The following KAZN variants were observed in gnomAD, a reference collection of about 807,000 sequenced individuals.
KAZN encodes kazrin.
In KAZN, 40 loss-of-function variants were observed where a neutral mutation model predicts 87.4. That is an observed-to-expected ratio of 0.46 (90% CI 0.36 to 0.60). KAZN has a LOEUF of 0.60. Ranked by LOEUF, KAZN falls within the 20% of genes least tolerant of loss-of-function variation. KAZN has a pLI of 0.00. For synonymous variants in KAZN, 466 were observed against 458.3 expected (o/e 1.02, Z -0.22); for missense variants, 898 against 1,073.9 (o/e 0.84, Z 2.29).
chr1:14,973,865 G>A (rs931440302), intron 2 of KAZN, among the ~76,000 whole-genome samples: 1 of 152,140 alleles, frequency 6.6e-6, no homozygotes, highest in Non-Finnish European at 1.5e-5. Context: ...CTACTGCTGT[G>A]TAACACACTG....
At chr1:14,298,811 T>C (rs907978790) in intron 2 of KAZN, among the ~76,000 whole-genome samples, 1 of 152,222 alleles carries the variant, frequency 6.6e-6, no homozygotes, top group Non-Finnish European at 1.5e-5. Context: ...GGGTTACTAA[T>C]AGAGTATACA....
intron 1 of KAZN, among the ~76,000 whole-genome samples, chr1:14,057,215 A>G (rs1285379360): frequency 6.6e-6 from 1 of 151,516 alleles, no homozygotes; most frequent in Admixed American, 6.6e-5. Context: ...GCTCACTGCA[A>G]TCTCTGGCTC....
At chr1:14,983,487 G>T (rs1666467146) in intron 2 of KAZN, among the ~76,000 whole-genome samples, 1 of 151,992 alleles carries the variant, frequency 6.6e-6, no homozygotes, top group Admixed American at 6.6e-5. Flanking sequence ...CTCACCTGTG[G>T]TCGGTGGAAA....
chr1:14,461,024 C>T (rs1667823637), intron 2 of KAZN, among the ~76,000 whole-genome samples: 1 of 152,180 alleles, frequency 6.6e-6, no homozygotes, highest in African/African-American at 2.4e-5. Context: ...CATAACCAGG[C>T]TGGCTAGTTG....
intron 1 of KAZN, among the ~76,000 whole-genome samples, chr1:13,931,964 C>T (rs1360678133): frequency 1.3e-5 from 2 of 151,712 alleles, no homozygotes; most frequent in Non-Finnish European, 2.9e-5. Flanking sequence ...CAACCTCCCT[C>T]CCAAGTAGCT....
At chr1:14,319,215 C>T (rs988507736) in intron 2 of KAZN, among the ~76,000 whole-genome samples, 1 of 151,812 alleles carries the variant, frequency 6.6e-6, no homozygotes, top group African/African-American at 2.4e-5. Flanking sequence ...CAGTTAATTA[C>T]TTGTAAGCCA....
chr1:14,581,378 A>G (rs758860576), intron 2 of KAZN, among the ~76,000 whole-genome samples: 1 of 152,018 alleles, frequency 6.6e-6, no homozygotes, highest in Non-Finnish European at 1.5e-5. Context: ...TCCACCTTCA[A>G]TACTGATCTA....
chr1:14,597,080 C>T (rs538828871), upstream of KAZN, among the ~76,000 whole-genome samples: 105 of 152,184 alleles, frequency 6.9e-4, no homozygotes, highest in Non-Finnish European at 1.3e-3. Flanking sequence ...TTTTGATGCT[C>T]TCCCCATAAC....
intron 2 of KAZN, chr1:14,221,975 T>C (rs1198897972): frequency 6.6e-6 from 1 of 152,116 alleles, no homozygotes; most frequent in African/African-American, 2.4e-5. Context: ...TTGTGATTCG[T>C]GATGTTTGGG....
chr1:14,035,647 T>A (rs1354012661), intron 1 of KAZN, among the ~76,000 whole-genome samples: 1 of 150,876 alleles, frequency 6.6e-6, no homozygotes, highest in Non-Finnish European at 1.5e-5. Flanking sequence ...TTTTTGTATT[T>A]TTTTTTTTTG....
intron 2 of KAZN, among the ~76,000 whole-genome samples, chr1:14,308,097 A>C (rs1295881242): frequency 6.6e-6 from 1 of 152,212 alleles, no homozygotes; most frequent in African/African-American, 2.4e-5. Flanking sequence ...AACACAAAGA[A>C]AGACAAAGGA....
At chr1:14,596,970 A>G (rs1368889899), upstream of KAZN, among the ~76,000 whole-genome samples, 2 of 152,198 alleles carry the variant, frequency 1.3e-5, no homozygotes, top group African/African-American at 2.4e-5. Flanking sequence ...GCTGGGTCGT[A>G]TGGTAATCCT....
At chr1:14,616,102 G>A (rs757516027) in intron 1 of KAZN, among the ~76,000 whole-genome samples, 22 of 152,176 alleles carry the variant, frequency 1.4e-4, no homozygotes, top group Non-Finnish European at 2.8e-4. Flanking sequence ...ATACAATCCA[G>A]GAAGGGACAC....
chr1:14,364,728 G>A (rs551931489), intron 2 of KAZN, among the ~76,000 whole-genome samples: 1 of 152,322 alleles, frequency 6.6e-6, no homozygotes, highest in South Asian at 2.1e-4. Context: ...GAAGGTGAAA[G>A]ACAAGTTGTC....
chr1:14,843,112 G>C (rs981003261), intron 1 of KAZN, among the ~76,000 whole-genome samples: 2 of 152,068 alleles, frequency 1.3e-5, no homozygotes, highest in Non-Finnish European at 2.9e-5. Context: ...GGCCAGTGCT[G>C]GTATTTATTA....
intron 2 of KAZN, among the ~76,000 whole-genome samples, chr1:14,285,902 C>T (rs886087212): frequency 9.2e-5 from 14 of 152,134 alleles, no homozygotes; most frequent in East Asian, 3.9e-4. Flanking sequence ...TGGCTGTGGC[C>T]GTGGGCCTGT....
rs867306611 is a variant in KAZN at position 14,162,551 on chromosome 1, T to G, written c.92-17884T>G. Among the ~76,000 whole-genome samples the G allele has an allele frequency of 2.3e-3, 322 of 142,246 alleles. 4 individuals carry two copies. Among genetic ancestry groups the G allele is most frequent in the African/African-American group, 9.2e-3 (309 of 33,726 alleles). The allele number at this position is 142,246 out of a possible 152,430, so 93.3% of individuals were successfully genotyped here. On this transcript the variant is annotated intron_variant, in intron 1 of 16. Transcript: ENST00000636203. ...TTATCTTTTCTTTTCTTTTTTCTTTTTTTTTTTTTTTGAGACAGAGTCTCA... is the reference window on the plus strand; with the variant it reads ...TTATCTTTTCTTTTCTTTTTTCTTTGTTTTTTTTTTTGAGACAGAGTCTCA...
At chr1:14,225,490 A>C (rs1431974090) in intron 2 of KAZN, among the ~76,000 whole-genome samples, 2 of 152,232 alleles carry the variant, frequency 1.3e-5, no homozygotes, top group African/African-American at 4.8e-5. Flanking sequence ...TATCCTTTTC[A>C]AACTACCAAT....
chr1:14,064,018 G>A (rs1344474093), intron 1 of KAZN, among the ~76,000 whole-genome samples: 1 of 152,054 alleles, frequency 6.6e-6, no homozygotes, highest in Non-Finnish European at 1.5e-5. Context: ...TTGGGTTCAA[G>A]CAATTCTCTG....
Sources: allele counts gnomAD v4.1 joint callset (sites outside exome capture counted in the v4.1 genomes callset), GRCh38; gene constraint gnomAD v4.1.1; transcripts MANE v1.5; gene names NCBI Gene and HGNC (gene_info 2026-07-23, HGNC 2026-07-21).